The following PLCB4 variants were observed in gnomAD, a reference collection of about 807,000 sequenced individuals.
The protein encoded by PLCB4 is 1-phosphatidylinositol 4,5-bisphosphate phosphodiesterase beta-4.
A neutral mutation model predicts 178.8 loss-of-function variants in PLCB4; 77 were observed. That is an observed-to-expected ratio of 0.43 (90% confidence interval 0.36 to 0.52). The LOEUF is 0.52. Ranked by LOEUF, PLCB4 falls within the 20% of genes least tolerant of loss-of-function variation. PLCB4 has a pLI of 0.00. For missense variants in PLCB4, 1,024 were observed against 1,453.4 expected (o/e 0.70, Z 4.80); for synonymous variants, 496 against 490.8 (o/e 1.01, Z -0.14).
intron 2 of PLCB4, among the ~76,000 whole-genome samples, chr20:9,108,649 T>TC (rs2091458152): frequency 6.6e-6 from 1 of 151,798 alleles, no homozygotes; most frequent in Non-Finnish European, 1.5e-5. Flanking sequence ...TTTTTTTTTT[T>TC]CAAGAATGCC....
intron 2 of PLCB4, among the ~76,000 whole-genome samples, chr20:9,163,329 C>G (rs1412894352): frequency 2.6e-5 from 4 of 152,074 alleles, no homozygotes; most frequent in African/African-American, 4.8e-5. Context: ...AAATGTTAAG[C>G]CTCTGAAGAA....
chr20:9,456,291 G>A (rs1255259299), intron 33 of PLCB4, among the ~76,000 whole-genome samples: 1 of 152,162 alleles, frequency 6.6e-6, no homozygotes. Context: ...AGATTGACCT[G>A]GGAAAGGGAA....
rs1049698709 is a variant in PLCB4 at position 9,393,546 on chromosome 20, G to A, written c.1324-42G>A. ...CTGGACTGGGAAGGAGAATGGAGAA[G>A]CACAGCCCTTCCTTAATTCAGCTCT... On this transcript the variant is annotated intron_variant, in intron 17 of 39. Transcript: ENST00000378473. 3 of 1,334,206 alleles carry A rather than the reference G, an allele frequency of 2.2e-6. No homozygotes were observed. In the East Asian group the frequency reaches 6.9e-5, roughly 31 times the overall value. The allele number at this position is 1,334,206 out of a possible 1,614,324, so 82.6% of individuals were successfully genotyped here. A position where few individuals can be genotyped will look rare whatever the true frequency, so the allele number is the denominator to read the frequency against.
chr20:9,385,753 T>C lies in PLCB4; in HGVS notation c.1064+1342T>C, dbSNP rs530035742. ...CCCAGACGGGGCGGCCGGGCAGAGG[T>C]GCTCCTCGCTTCCCAGACGGGGCAG... On this transcript the variant is annotated intron_variant, in intron 14 of 39. Transcript: ENST00000378473. 3.0e-3 allele frequency among the ~76,000 whole-genome samples: 414 copies of C among 135,954 alleles called. 3 individuals carry two copies. Among genetic ancestry groups the C allele is most frequent in the Non-Finnish European group, 4.9e-3 (313 of 63,516 alleles). 89.2% of individuals were successfully genotyped at this position (135,954 alleles called of 152,430 possible). A position where few individuals can be genotyped will look rare whatever the true frequency, so the allele number is the denominator to read the frequency against.
chr20:9,101,843 C>G (rs1266667229), intron 2 of PLCB4, among the ~76,000 whole-genome samples: 1 of 149,864 alleles, frequency 6.7e-6, no homozygotes, highest in Non-Finnish European at 1.5e-5. Context: ...TTTTGTAAAT[C>G]AGCTTTTTTT....
At chr20:9,340,033 A>G (rs946836178) in intron 7 of PLCB4, among the ~76,000 whole-genome samples, 1 of 152,164 alleles carries the variant, frequency 6.6e-6, no homozygotes, top group Non-Finnish European at 1.5e-5. Context: ...GTTTGGGGGA[A>G]TGGGGAGGCA....
chr20:9,148,120 A>T (rs190052035), intron 2 of PLCB4, among the ~76,000 whole-genome samples: 1 of 152,264 alleles, frequency 6.6e-6, no homozygotes, highest in East Asian at 1.9e-4. Flanking sequence ...AGGATTGTGG[A>T]CATCATCTAG....
At chr20:9,102,352 C>G (rs2091189686) in intron 2 of PLCB4, among the ~76,000 whole-genome samples, 1 of 152,130 alleles carries the variant, frequency 6.6e-6, no homozygotes, top group African/African-American at 2.4e-5. Context: ...AACAATTATA[C>G]AAAATCATCT....
intron 2 of PLCB4, among the ~76,000 whole-genome samples, chr20:9,136,016 A>T (rs542153575): frequency 1.6e-4 from 24 of 152,300 alleles, no homozygotes; most frequent in Non-Finnish European, 2.2e-4. Context: ...GCTAGTCTGA[A>T]GCCAAGCTGG....
Position 9,419,824 on chromosome 20 carries a change from A to G in PLCB4, c.2069A>G (p.Asp690Gly). 6.2e-7 allele frequency: 1 copy of G among 1,613,616 alleles called. No individual in the cohort carries two copies. The highest frequency in any genetic ancestry group is 8.5e-7 in the Non-Finnish European group (1 of 1,179,530). ...NGSCGYLLKP[D>G]FMRRPDRTFD... ...CCTACCAGGTACCTTCTCAAACCAG[A>G]TTTCATGAGGCGGCCTGATCGAACA... Residue 690 changes from aspartate (D) to glycine (G), a missense_variant, in exon 26 of 40, where the codon GAT (aspartate) becomes GGT (glycine). Coordinates refer to ENST00000378473, the MANE Select transcript of PLCB4 (RefSeq NM_001377142.1).
In PLCB4 at chr20:9,395,614, A is replaced by T; in HGVS notation, c.1506A>T (p.Glu502Asp). 1 of 1,599,884 alleles carries T rather than the reference A, an allele frequency of 6.3e-7. No individual in the cohort carries two copies. Among genetic ancestry groups the T allele is most frequent in the Non-Finnish European group, 8.6e-7 (1 of 1,167,602 alleles). The change falls in exon 19 of 40, where the codon GAA becomes GAT. Residue 502 changes from glutamate (E) to aspartate (D), a missense_variant. By Grantham distance (45) the Glu-to-Asp change is conservative. Around this residue, in one of 7 missense-constraint regions of PLCB4, gnomAD observed 263 missense variants for 417.4 expected, o/e 0.63. Coordinates refer to ENST00000378473, the MANE Select transcript of PLCB4 (RefSeq NM_001377142.1). ...ILEDDNEEEI[E>D]SADQEEEAHP... ...AGGACGATAATGAAGAGGAGATCGA[A>T]AGTGGTGAGCTGTTTGCTTTTATTT... is the stretch of plus-strand genomic sequence containing the variant.
chr20:9,161,561 A>G (rs927515541), intron 2 of PLCB4, among the ~76,000 whole-genome samples: 4 of 152,248 alleles, frequency 2.6e-5, no homozygotes, highest in Admixed American at 2.6e-4. Context: ...TAATCATAGG[A>G]AAGTCTGGCT....
At chr20:9,194,089 GATT>G (rs2093438654) in intron 2 of PLCB4, among the ~76,000 whole-genome samples, 1 of 152,052 alleles carries the variant, frequency 6.6e-6, no homozygotes, top group Non-Finnish European at 1.5e-5. Context: ...ACAACTGAAT[GATT>G]ATAAGTAAAG....
At chr20:9,405,261 TG>T in intron 20 of PLCB4, 51 bp from the exon 21 acceptor site, 1 of 944,124 alleles carries the variant, frequency 1.1e-6, no homozygotes, top group South Asian at 1.5e-5. Context: ...CTAATAAATT[TG>T]GAATTTTGCC....
Position 9,376,087 on chromosome 20 carries a change from A to G in PLCB4, c.744+2983A>G, listed in dbSNP as rs76024371. Among the ~76,000 whole-genome samples, 322 of 152,122 alleles carry G rather than the reference A, an allele frequency of 2.1e-3. 4 individuals are homozygous for G. Among genetic ancestry groups the G allele is most frequent in the Non-Finnish European group, 3.3e-3 (226 of 67,962 alleles). On this transcript the variant is annotated intron_variant, in intron 12 of 39. Transcript: ENST00000378473. ...CTGTAGGGTGACCTCCTCCCTATCC[A>G]TGCAATCAACACTGACTAGATTTTC...
chr20:9,414,597 C>A (rs1357823269), intron 25 of PLCB4, among the ~76,000 whole-genome samples: 10 of 152,198 alleles, frequency 6.6e-5, no homozygotes, highest in African/African-American at 2.4e-4. Flanking sequence ...GCAAAGTACA[C>A]AAACACCCCC....
chr20:9,116,364 C>CAT (rs906042739), intron 2 of PLCB4, among the ~76,000 whole-genome samples: 1 of 151,976 alleles, frequency 6.6e-6, no homozygotes, highest in African/African-American at 2.4e-5. Flanking sequence ...TATGTGTGCA[C>CAT]ATATATATAC....
intron 1 of PLCB4, among the ~76,000 whole-genome samples, chr20:9,087,113 A>G (rs1005700847): frequency 6.6e-6 from 1 of 152,194 alleles, no homozygotes; most frequent in Non-Finnish European, 1.5e-5. Context: ...CTTGCTTTTA[A>G]AAAAATCTAT....
At chr20:9,450,580 G>A (rs1386885826) in intron 32 of PLCB4, among the ~76,000 whole-genome samples, 2 of 151,188 alleles carry the variant, frequency 1.3e-5, no homozygotes, top group African/African-American at 2.4e-5. Flanking sequence ...CATATGTTTA[G>A]TAACCTTGCA....
Sources: gnomAD v4.1 joint callset for allele counts (sites outside exome capture counted in the v4.1 genomes callset) on GRCh38, gnomAD v4.1.1 for gene constraint, gnomAD v4.1.1 regional missense constraint, MANE v1.5 for transcripts, NCBI Gene and HGNC (gene_info 2026-07-23, HGNC 2026-07-21) for gene names.